PDE1C: variants seen among roughly 807,000 people sequenced by gnomAD.
The protein encoded by PDE1C is dual specificity calcium/calmodulin-dependent 3',5'-cyclic nucleotide phosphodiesterase 1C.
A neutral mutation model predicts 93.1 loss-of-function variants in PDE1C; 62 were observed. The ratio of observed to expected loss-of-function variants is 0.67; its 90% CI spans 0.54 to 0.82. The LOEUF (loss-of-function observed/expected upper bound fraction) is 0.82, where lower values mean the gene tolerates loss of function less well. Ranked by LOEUF, PDE1C falls within the 40% of genes least tolerant of loss-of-function variation. The pLI, the probability that PDE1C is intolerant of heterozygous loss-of-function variation, is 0.00. For synonymous variants in PDE1C, 325 were observed against 310.1 expected (o/e 1.05, Z -0.50); for missense variants, 742 against 884.6 (o/e 0.84, Z 2.04).
At chr7:31,872,421 G>A (rs544039684) in intron 6 of PDE1C, among the ~76,000 whole-genome samples, 25 of 152,012 alleles carry the variant, frequency 1.6e-4, no homozygotes, top group South Asian at 6.2e-4. Flanking sequence ...TAAATAATGC[G>A]GGTAATGGAC....
intron 1 of PDE1C, among the ~76,000 whole-genome samples, chr7:32,059,082 T>C (rs1253563839): frequency 2.0e-5 from 3 of 152,204 alleles, no homozygotes; most frequent in Non-Finnish European, 4.4e-5. Context: ...AGAAAATTGT[T>C]CTACAGACTC....
At chr7:32,108,590 C>T (rs907855060) in intron 3 of PDE1C, among the ~76,000 whole-genome samples, 2 of 152,136 alleles carry the variant, frequency 1.3e-5, no homozygotes, top group African/African-American at 4.8e-5. Flanking sequence ...CAATCCTCCC[C>T]TAAACATTTA....
chr7:32,175,447 G>T (rs868607927), intron 2 of PDE1C, among the ~76,000 whole-genome samples: 1 of 152,186 alleles, frequency 6.6e-6, no homozygotes, highest in South Asian at 2.1e-4. Context: ...AATCATCTGA[G>T]CCTTCAAGCA....
intron 2 of PDE1C, among the ~76,000 whole-genome samples, chr7:31,938,861 T>G (rs1805435034): frequency 6.6e-6 from 1 of 152,196 alleles, no homozygotes; most frequent in African/African-American, 2.4e-5. Flanking sequence ...CATGTCTCAA[T>G]GACACAATGG....
At chr7:32,347,578 G>A (rs1456648847) in intron 1 of PDE1C, among the ~76,000 whole-genome samples, 1 of 152,166 alleles carries the variant, frequency 6.6e-6, no homozygotes, top group Admixed American at 6.5e-5. Context: ...AGCATCATGG[G>A]TGGGCCTGAC....
chr7:32,176,591 T>C (rs1030047773), intron 2 of PDE1C, among the ~76,000 whole-genome samples: 1 of 152,202 alleles, frequency 6.6e-6, no homozygotes, highest in Non-Finnish European at 1.5e-5. Flanking sequence ...GTATGTGATA[T>C]TAGTAACATA....
At chr7:32,161,370 A>G (rs1801907482) in intron 3 of PDE1C, among the ~76,000 whole-genome samples, 1 of 152,142 alleles carries the variant, frequency 6.6e-6, no homozygotes, top group Non-Finnish European at 1.5e-5. Context: ...CTCACTGCCA[A>G]TCTCCTCTAC....
At chr7:31,838,954 C>T (rs1202165397) in intron 9 of PDE1C, among the ~76,000 whole-genome samples, 1 of 149,660 alleles carries the variant, frequency 6.7e-6, no homozygotes, top group Non-Finnish European at 1.5e-5. Flanking sequence ...TACATGTGTA[C>T]ATAAAGTATA....
the PDE1C span, chr7:31,642,903 G>A: frequency 6.2e-7 from 1 of 1,614,018 alleles, no homozygotes; most frequent in Non-Finnish European, 8.5e-7. Context: ...TTGAGGCCAT[G>A]GAGGGGCCAC....
chr7:31,683,985 C>T, the PDE1C span, among the ~76,000 whole-genome samples: 4 of 152,198 alleles, frequency 2.6e-5, no homozygotes, highest in East Asian at 3.8e-4. Flanking sequence ...ATGGACACAA[C>T]GGCTCCTTGC....
chr7:31,616,993 ATATTCCAAGTGCATTCTTCTTTTCTTTAT>A, the PDE1C span, among the ~76,000 whole-genome samples: 2 of 152,138 alleles, frequency 1.3e-5, no homozygotes, highest in Admixed American at 1.3e-4. Flanking sequence ...CCTGTTGCTT[ATATTCCAAGTGCATTCTTCTTTTCTTTAT>A]GACAGACTGC....
At chr7:31,845,842 A>G (rs59523122) in intron 9 of PDE1C, among the ~76,000 whole-genome samples, 33,082 of 151,782 alleles carry the variant, frequency 0.22, 4,232 homozygotes, top group East Asian at 0.58. Context: ...AATACAAAAA[A>G]ATTAGCTGGG....
intron 1 of PDE1C, among the ~76,000 whole-genome samples, chr7:32,348,264 G>A (rs914174459): frequency 6.6e-6 from 1 of 151,662 alleles, no homozygotes. Flanking sequence ...CCAATACCTG[G>A]CATACAATAA....
At chr7:32,107,621 T>A (rs1015264273) in intron 3 of PDE1C, among the ~76,000 whole-genome samples, 2 of 152,140 alleles carry the variant, frequency 1.3e-5, no homozygotes, top group Non-Finnish European at 2.9e-5. Flanking sequence ...AGTAAATTTA[T>A]CACCAGTAGA....
At chr7:31,976,323 A>C (rs1217897376) in intron 2 of PDE1C, among the ~76,000 whole-genome samples, 2 of 152,210 alleles carry the variant, frequency 1.3e-5, no homozygotes, top group Non-Finnish European at 2.9e-5. Context: ...GAACCAGTCT[A>C]GAAGAGGAAA....
chr7:31,735,497 T>C, the PDE1C span, among the ~76,000 whole-genome samples: 1 of 151,834 alleles, frequency 6.6e-6, no homozygotes, highest in African/African-American at 2.4e-5. Flanking sequence ...CATCAAACCA[T>C]ACAGAAGGCA....
chr7:32,071,130 C>T (rs929778029), upstream of PDE1C: 49 of 985,412 alleles, frequency 5.0e-5, no homozygotes, highest in Non-Finnish European at 5.9e-5. Context: ...CGACCCCGGC[C>T]GGGCACACTC....
intron 1 of PDE1C, among the ~76,000 whole-genome samples, chr7:32,308,787 C>A (rs962810597): frequency 6.6e-6 from 1 of 151,920 alleles, no homozygotes; most frequent in Non-Finnish European, 1.5e-5. Context: ...GGTAAAACCA[C>A]AAAGATGGGG....
chr7:32,202,477 G>C (rs1805085379), intron 2 of PDE1C, among the ~76,000 whole-genome samples: 2 of 152,230 alleles, frequency 1.3e-5, no homozygotes, highest in Admixed American at 6.5e-5. Flanking sequence ...TTTAGACAGA[G>C]TGGTGAGCAC....
Sources: gnomAD v4.1 joint callset for allele counts (sites outside exome capture counted in the v4.1 genomes callset) on GRCh38, gnomAD v4.1.1 for gene constraint, MANE v1.5 for transcripts, NCBI Gene and HGNC (gene_info 2026-07-23, HGNC 2026-07-21) for gene names.